PLD5: variants seen among roughly 807,000 people sequenced by gnomAD.
The protein encoded by PLD5 is inactive phospholipase D5.
In PLD5, 36 loss-of-function variants were observed where a neutral mutation model predicts 61.1. The ratio of observed to expected loss-of-function variants is 0.59; its 90% CI spans 0.45 to 0.78. PLD5 has a LOEUF of 0.78. PLD5 is among the 30% of genes least tolerant of loss of function. PLD5 has a pLI of 0.00. For missense variants in PLD5, 515 were observed against 644.4 expected (o/e 0.80, Z 2.17); for synonymous variants, 243 against 242.8 (o/e 1.00, Z -0.01).
intron 5 of PLD5, among the ~76,000 whole-genome samples, chr1:242,146,444 T>G (rs964768800): frequency 1.3e-5 from 2 of 152,216 alleles, no homozygotes; most frequent in African/African-American, 2.4e-5. Context: ...GATAATGTAA[T>G]AGTGAATACA....
intron 2 of PLD5, among the ~76,000 whole-genome samples, chr1:242,340,374 T>C (rs905643595): frequency 2.0e-5 from 3 of 152,202 alleles, no homozygotes; most frequent in Non-Finnish European, 2.9e-5. Context: ...AAAAACATAG[T>C]TGGGTTTGTC....
rs12184245 is a variant in PLD5 at position 242,380,212 on chromosome 1, C to T, written c.190-31970G>A. Among the ~76,000 whole-genome samples, 784 of 152,260 alleles carry T rather than the reference C, an allele frequency of 5.1e-3. 5 individuals are homozygous for T. The highest frequency in any genetic ancestry group is 8.8e-3 in the Non-Finnish European group (596 of 68,020). ...TATAATATGAAGGTTAGACAACACA[C>T]GAGACAACTACAAAATTTCTCACTT... On this transcript the variant is annotated intron_variant, in intron 1 of 9. Coordinates refer to ENST00000536534, the MANE Select transcript of PLD5 (RefSeq NM_001372062.1).
intron 1 of PLD5, among the ~76,000 whole-genome samples, chr1:242,359,915 T>C (rs2149235211): frequency 6.6e-6 from 1 of 152,220 alleles, no homozygotes; most frequent in African/African-American, 2.4e-5. Flanking sequence ...GGTAAATATA[T>C]AAACATTCAA....
chr1:242,241,908 T>C (rs879823831), intron 4 of PLD5, among the ~76,000 whole-genome samples: 1,038 of 43,126 alleles, frequency 0.024, 19 homozygotes, highest in Non-Finnish European at 0.036. Flanking sequence ...TATATATATA[T>C]ATACTTACTG....
intron 5 of PLD5, among the ~76,000 whole-genome samples, chr1:242,201,343 A>G (rs1308147071): frequency 6.6e-6 from 1 of 152,254 alleles, no homozygotes; most frequent in Non-Finnish European, 1.5e-5. Context: ...CCTGCAAGTC[A>G]TTGTAAGACA....
chr1:242,409,902 A>C (rs753352534), intron 1 of PLD5, among the ~76,000 whole-genome samples: 1 of 152,200 alleles, frequency 6.6e-6, no homozygotes, highest in Non-Finnish European at 1.5e-5. Context: ...GGGTGGACCC[A>C]GTTTCTAATG....
At chr1:242,344,361 C>T (rs1660011666) in intron 2 of PLD5, among the ~76,000 whole-genome samples, 1 of 152,074 alleles carries the variant, frequency 6.6e-6, no homozygotes, top group Admixed American at 6.6e-5. Context: ...CTCTGCAAAA[C>T]ACAGTTGATG....
intron 1 of PLD5, among the ~76,000 whole-genome samples, chr1:242,454,395 T>A (rs560811562): frequency 6.6e-6 from 1 of 151,192 alleles, no homozygotes; most frequent in African/African-American, 2.4e-5. Flanking sequence ...TCATAAAGCA[T>A]GTAGGGATGG....
chr1:242,337,751 A>C (rs3905155), intron 2 of PLD5, among the ~76,000 whole-genome samples: 4,952 of 152,314 alleles, frequency 0.033, 106 homozygotes, highest in Admixed American at 0.044. Flanking sequence ...ACTTCTCATC[A>C]GTTTATAAAT....
intron 8 of PLD5, among the ~76,000 whole-genome samples, 154 bp from the exon 9 acceptor site, chr1:242,100,936 T>G (rs1398674387): frequency 1.3e-5 from 2 of 152,206 alleles, no homozygotes; most frequent in African/African-American, 4.8e-5. Context: ...ATGAAGCTAT[T>G]TTTGTTCTCA....
intron 4 of PLD5, among the ~76,000 whole-genome samples, chr1:242,220,707 ATATTTTATTTTATTT>A (rs71570944): frequency 0.015 from 1,625 of 108,342 alleles, 34 homozygotes; most frequent in African/African-American, 0.048. Context: ...TTTTTAATTT[ATATTTTATTTTATTT>A]TATTTTATTT....
At chr1:242,207,191 A>G (rs1558342637) in intron 5 of PLD5, among the ~76,000 whole-genome samples, 1 of 152,156 alleles carries the variant, frequency 6.6e-6, no homozygotes, top group Non-Finnish European at 1.5e-5. Context: ...TGATTGACCA[A>G]ACAACTGGGC....
At chr1:242,093,602 G>A (rs1297552913) in intron 9 of PLD5, among the ~76,000 whole-genome samples, 2 of 152,238 alleles carry the variant, frequency 1.3e-5, no homozygotes, top group East Asian at 3.9e-4. Context: ...TCAAAGCCAG[G>A]TCTGACCCCG....
At chr1:242,430,854 T>TC (rs922795405) in intron 1 of PLD5, among the ~76,000 whole-genome samples, 2 of 152,128 alleles carry the variant, frequency 1.3e-5, no homozygotes, top group African/African-American at 4.8e-5. Flanking sequence ...CTAGATGAAG[T>TC]CTGAACATGT....
chr1:242,446,275 A>G (rs1666534473), intron 1 of PLD5, among the ~76,000 whole-genome samples: 1 of 151,632 alleles, frequency 6.6e-6, no homozygotes, highest in Admixed American at 6.6e-5. Context: ...AATAAAATTA[A>G]GAAAAATAAA....
chr1:242,269,453 G>A (rs531459758), intron 3 of PLD5, among the ~76,000 whole-genome samples: 1 of 151,012 alleles, frequency 6.6e-6, no homozygotes, highest in Admixed American at 6.6e-5. Flanking sequence ...CAATCCTGTA[G>A]GGGAGGAAAT....
At chr1:242,465,494 T>C (rs1431676813) in intron 1 of PLD5, among the ~76,000 whole-genome samples, 1 of 152,250 alleles carries the variant, frequency 6.6e-6, no homozygotes, top group African/African-American at 2.4e-5. Context: ...GCTAAAGTTT[T>C]AACAATGGCC....
At chr1:242,140,599 C>A (rs905129689) in intron 5 of PLD5, among the ~76,000 whole-genome samples, 1 of 152,090 alleles carries the variant, frequency 6.6e-6, no homozygotes, top group Non-Finnish European at 1.5e-5. Context: ...ATCACACCAC[C>A]GCACTCCAGC....
At chr1:242,405,288 C>T (rs1275082746) in intron 1 of PLD5, among the ~76,000 whole-genome samples, 2 of 152,118 alleles carry the variant, frequency 1.3e-5, no homozygotes, top group Non-Finnish European at 2.9e-5. Flanking sequence ...CCAGCTAGGA[C>T]GATTTTCCCA....
Sources: allele counts gnomAD v4.1 joint callset (sites outside exome capture counted in the v4.1 genomes callset), GRCh38; gene constraint gnomAD v4.1.1; transcripts MANE v1.5; gene names NCBI Gene and HGNC (gene_info 2026-07-23, HGNC 2026-07-21).